ADCY2: variants seen among roughly 807,000 people sequenced by gnomAD.
ADCY2 encodes the protein adenylate cyclase 2.
Under a neutral mutation model 125.2 loss-of-function variants are expected in ADCY2, and 31 were observed. The observed-to-expected ratio is 0.25, with a 90% CI of 0.19 to 0.33. The LOEUF (loss-of-function observed/expected upper bound fraction) is 0.33. Among genes scored for constraint, ADCY2 ranks in the 10% least tolerant of loss-of-function variants. The probability of loss-of-function intolerance (pLI) is 1.00; values close to 1 mark genes in which losing one functional copy is unlikely to be tolerated. For missense variants in ADCY2, 904 were observed against 1,418.2 expected (o/e 0.64, Z 5.82); for synonymous variants, 512 against 548.4 (o/e 0.93, Z 0.93).
chr5:7,808,642 G>A (rs1309388182), intron 22 of ADCY2, among the ~76,000 whole-genome samples: 1 of 152,206 alleles, frequency 6.6e-6, no homozygotes, highest in Middle Eastern at 3.2e-3. Context: ...GTATCTGTCT[G>A]TCCAGAGCTC....
intron 2 of ADCY2, among the ~76,000 whole-genome samples, chr5:7,514,816 G>A (rs1744197980): frequency 6.6e-6 from 1 of 152,206 alleles, no homozygotes; most frequent in East Asian, 1.9e-4. Context: ...AGGTTGCTCA[G>A]GATTGCTGGG....
chr5:7,503,557 G>A (rs934988944), intron 2 of ADCY2, among the ~76,000 whole-genome samples: 7 of 152,214 alleles, frequency 4.6e-5, no homozygotes, highest in African/African-American at 1.7e-4. Context: ...CCCAGGTTTT[G>A]ACCCACATGC....
intron 3 of ADCY2, among the ~76,000 whole-genome samples, chr5:7,584,505 T>C (rs1736556171): frequency 6.6e-6 from 1 of 151,986 alleles, no homozygotes; most frequent in South Asian, 2.1e-4. Context: ...CATAAAGAAA[T>C]AGATCAAAAA....
chr5:7,420,993 G>T (rs1397370615), intron 2 of ADCY2, among the ~76,000 whole-genome samples: 3 of 152,130 alleles, frequency 2.0e-5, no homozygotes, highest in Non-Finnish European at 4.4e-5. Context: ...TTATTTTTAA[G>T]AAATCAGTGG....
chr5:7,616,879 G>A (rs370629518), intron 3 of ADCY2, among the ~76,000 whole-genome samples: 64 of 152,164 alleles, frequency 4.2e-4, no homozygotes, highest in African/African-American at 1.4e-3. Flanking sequence ...CAATCTGACT[G>A]GTGTCTCTAT....
intron 1 of ADCY2, among the ~76,000 whole-genome samples, chr5:7,414,297 A>T (rs561443130): frequency 6.6e-6 from 1 of 152,340 alleles, no homozygotes; most frequent in African/African-American, 2.4e-5. Flanking sequence ...TCTGAATAAA[A>T]TCCATTTCTG....
At position 7,636,320 on chromosome 5, in the gene ADCY2, G is replaced by A. The variant is rs536631352; in HGVS notation, c.720+10004G>A. On this transcript the variant is annotated intron_variant, in intron 4 of 24. Transcript: ENST00000338316. ...GAGGGAGCTGTGGGCCAAAGCCTTC[G>A]CTGGGGTTCAGGACATTGTGCAATC... Among the ~76,000 whole-genome samples the A allele has an allele frequency of 1.4e-4, 22 of 152,324 alleles. 1 individual carries two copies. In the South Asian group the frequency reaches 2.5e-3, roughly 17 times the overall value.
chr5:7,711,463 T>C (rs1197623718), intron 10 of ADCY2, among the ~76,000 whole-genome samples: 1 of 152,242 alleles, frequency 6.6e-6, no homozygotes, highest in Admixed American at 6.5e-5. Flanking sequence ...AAGAATCATA[T>C]ATAAATAGTC....
chr5:7,650,305 G>A lies in ADCY2; in HGVS notation c.720+23989G>A, dbSNP rs1021891196. Among the ~76,000 whole-genome samples the A allele has an allele frequency of 3.4e-4, 51 of 151,724 alleles. 1 individual carries two copies. The highest frequency in any genetic ancestry group is 1.2e-3 in the African/African-American group (50 of 41,290). ...TTATTTCACTGTCCCTGAGTGTGCA[G>A]GCTCAGAAATGAAAACTGTCTAGAA... On this transcript the variant is annotated intron_variant, in intron 4 of 24. Transcript: ENST00000338316.
intron 4 of ADCY2, among the ~76,000 whole-genome samples, chr5:7,629,727 G>A (rs1353282208): frequency 6.6e-6 from 1 of 152,196 alleles, no homozygotes; most frequent in Non-Finnish European, 1.5e-5. Context: ...ATCCGCAGCT[G>A]TTTCCTGAGC....
intron 2 of ADCY2, among the ~76,000 whole-genome samples, chr5:7,448,780 G>A (rs752614935): frequency 1.4e-4 from 22 of 152,214 alleles, no homozygotes; most frequent in South Asian, 6.2e-4. Flanking sequence ...TTCTAGCTCC[G>A]TCTATGTCCC....
At chr5:7,472,039 T>G (rs1742359621) in intron 2 of ADCY2, among the ~76,000 whole-genome samples, 1 of 152,166 alleles carries the variant, frequency 6.6e-6, no homozygotes, top group African/African-American at 2.4e-5. Context: ...TTATTTTCAC[T>G]TATCCAACTT....
chr5:7,467,418 T>C (rs1458194018), intron 2 of ADCY2, among the ~76,000 whole-genome samples: 1 of 152,220 alleles, frequency 6.6e-6, no homozygotes, highest in Non-Finnish European at 1.5e-5. Flanking sequence ...TGGTGATTAC[T>C]GTCAGCATTG....
chr5:7,702,106 T>G, intron 7 of ADCY2, among the ~76,000 whole-genome samples: 1 of 152,098 alleles, frequency 6.6e-6, no homozygotes. Flanking sequence ...AAATGGTTAT[T>G]TTGGGCTGGG....
chr5:7,765,234 CCCA>C (rs1743342661), intron 16 of ADCY2, among the ~76,000 whole-genome samples: 1 of 152,126 alleles, frequency 6.6e-6, no homozygotes, highest in African/African-American at 2.4e-5. Flanking sequence ...AGACTAGTAA[CCCA>C]CCAAGCTAAA....
chr5:7,484,206 G>C (rs1742841710), intron 2 of ADCY2, among the ~76,000 whole-genome samples: 1 of 152,138 alleles, frequency 6.6e-6, no homozygotes, highest in South Asian at 2.1e-4. Flanking sequence ...ATATGATTAT[G>C]GGTGCTTTGA....
intron 4 of ADCY2, among the ~76,000 whole-genome samples, chr5:7,652,049 A>T (rs776678520): frequency 2.6e-5 from 4 of 151,836 alleles, no homozygotes; most frequent in Non-Finnish European, 5.9e-5. Context: ...TGATCCACCC[A>T]CCTCGGCCTC....
At chr5:7,687,509 A>C (rs1024049532) in intron 4 of ADCY2, among the ~76,000 whole-genome samples, 1 of 152,176 alleles carries the variant, frequency 6.6e-6, no homozygotes, top group African/African-American at 2.4e-5. Context: ...GCGTGGGACC[A>C]TGAGGTCCGC....
chr5:7,661,017 C>T (rs1739510359), intron 4 of ADCY2, among the ~76,000 whole-genome samples: 1 of 152,124 alleles, frequency 6.6e-6, no homozygotes, highest in African/African-American at 2.4e-5. Context: ...ACTGGCTTCC[C>T]TAAGTCCCAA....
Sources: allele counts gnomAD v4.1 joint callset (sites outside exome capture counted in the v4.1 genomes callset), GRCh38; gene constraint gnomAD v4.1.1; transcripts MANE v1.5; gene names NCBI Gene and HGNC (gene_info 2026-07-23, HGNC 2026-07-21).